The following WIPI2 variants were observed in gnomAD, a reference collection of about 807,000 sequenced individuals.
WIPI2 encodes the protein WD repeat domain, phosphoinositide interacting 2, also known as WD repeat domain phosphoinositide-interacting protein 2.
Under a neutral mutation model 52.3 loss-of-function variants are expected in WIPI2, and 28 were observed. The observed-to-expected ratio is 0.54, with a 90% CI of 0.40 to 0.73. The LOEUF is 0.73. WIPI2 is among the 30% of genes least tolerant of loss of function. The pLI is 0.00. For synonymous variants in WIPI2, 268 were observed against 245.0 expected (o/e 1.09, Z -0.88); for missense variants, 506 against 602.9 (o/e 0.84, Z 1.68).
chr7:5,211,728 T>A (rs1016426658), intron 3 of WIPI2, among the ~76,000 whole-genome samples: 1 of 152,216 alleles, frequency 6.6e-6, no homozygotes, highest in African/African-American at 2.4e-5. Flanking sequence ...CAGGTTTTCC[T>A]ATGTGTCCCA....
chr7:5,209,534 G>A (rs1437139746), intron 3 of WIPI2, among the ~76,000 whole-genome samples: 2 of 152,140 alleles, frequency 1.3e-5, no homozygotes, highest in Non-Finnish European at 2.9e-5. Context: ...TTCTGCATCT[G>A]TTGGGTTGGC....
intron 2 of WIPI2, among the ~76,000 whole-genome samples, chr7:5,196,918 C>A (rs144857382): frequency 6.6e-6 from 1 of 151,850 alleles, no homozygotes; most frequent in Non-Finnish European, 1.5e-5. Context: ...TCAAGACCAG[C>A]CTGGCCAACA....
intron 9 of WIPI2, chr7:5,226,273 A>G (rs2081117865): frequency 7.6e-6 from 2 of 261,648 alleles, no homozygotes; most frequent in Admixed American, 5.0e-5. Flanking sequence ...ACTAGGGTGA[A>G]TGGCTCGTCT....
chr7:5,195,782 T>G (rs967899647), intron 2 of WIPI2, among the ~76,000 whole-genome samples: 2 of 152,176 alleles, frequency 1.3e-5, no homozygotes, highest in Admixed American at 1.3e-4. Context: ...TGGTCACGCC[T>G]GTAATCCCAG....
chr7:5,220,930 A>G (rs1783091641), intron 7 of WIPI2, among the ~76,000 whole-genome samples: 2 of 149,538 alleles, frequency 1.3e-5, no homozygotes, highest in African/African-American at 4.9e-5. Context: ...ACTAGCTGGG[A>G]CTACAGGTGC....
At chr7:5,193,683 C>T (rs931058783) in intron 2 of WIPI2, among the ~76,000 whole-genome samples, 2 of 152,210 alleles carry the variant, frequency 1.3e-5, no homozygotes, top group African/African-American at 4.8e-5. Context: ...TCAAGCGGTC[C>T]TCCTGCCTCA....
chr7:5,210,925 A>G (rs1782525666), intron 3 of WIPI2, among the ~76,000 whole-genome samples: 1 of 145,684 alleles, frequency 6.9e-6, no homozygotes, highest in South Asian at 2.1e-4. Flanking sequence ...CGGCTCGCAT[A>G]GAACTCAGCC....
intron 7 of WIPI2, among the ~76,000 whole-genome samples, chr7:5,220,089 G>A (rs746141285): frequency 6.6e-6 from 1 of 151,984 alleles, no homozygotes; most frequent in African/African-American, 2.4e-5. Context: ...ACAAACCTCA[G>A]CCTCCCAAAG....
chr7:5,190,585 C>T (rs985062178), intron 1 of WIPI2, 92 bp downstream of exon 1: 3 of 1,237,556 alleles, frequency 2.4e-6, no homozygotes, highest in Non-Finnish European at 3.1e-6. Context: ...GGCGGCGTCG[C>T]AGGCTCGGCC....
intron 3 of WIPI2, among the ~76,000 whole-genome samples, chr7:5,200,735 G>A (rs186926398): frequency 1.3e-5 from 2 of 152,216 alleles, no homozygotes; most frequent in African/African-American, 4.8e-5. Context: ...TTTCGGACTC[G>A]CTCCTGGGCC....
At chr7:5,229,768 A>C in intron 12 of WIPI2, 30 bp downstream of exon 12, 1 of 1,612,142 alleles carries the variant, frequency 6.2e-7, no homozygotes, top group South Asian at 1.1e-5. Flanking sequence ...CCTGGAAGGT[A>C]ATTAGCCCCA....
At chr7:5,216,771 T>A in intron 5 of WIPI2, 112 bp downstream of exon 5, 1 of 1,066,824 alleles carries the variant, frequency 9.4e-7, no homozygotes, top group Non-Finnish European at 1.4e-6. Flanking sequence ...AGACAGATTT[T>A]AAAAGTATTG....
rs181276923 is a variant in WIPI2 at position 5,206,783 on chromosome 7, T to G, written c.211+7125T>G. Among the ~76,000 whole-genome samples the G allele has an allele frequency of 5.6e-3, 847 of 152,300 alleles. 7 individuals are homozygous for G. The highest frequency in any genetic ancestry group is 0.02 in the African/African-American group (824 of 41,568). On this transcript the variant is annotated intron_variant, in intron 3 of 12. Coordinates refer to ENST00000288828, the MANE Select transcript of WIPI2 (RefSeq NM_015610.4). ...TCTATCTTTTTTATGTTTATTTCTT[T>G]TTTTGAGACAGCATCTAGCTCTGTC...
chr7:5,226,884 A>G lies in WIPI2; in HGVS notation c.849-296A>G, dbSNP rs553138162. ...TAGCAGGGGTCATCAGTTAGGCCCT[A>G]GACGTCCTCACACCCTTGCAAAGGG... On this transcript the variant is annotated intron_variant, in intron 9 of 12. Coordinates refer to ENST00000288828, the MANE Select transcript of WIPI2 (RefSeq NM_015610.4). The G allele has an allele frequency of 2.2e-4, 78 of 357,784 alleles. 1 individual carries two copies. Among genetic ancestry groups the G allele is most frequent in the Non-Finnish European group, 3.5e-4 (69 of 195,100 alleles). The allele number at this position is 357,784 out of a possible 1,614,324, so 22.2% of individuals were successfully genotyped here.
At chr7:5,210,093 G>A (rs963430017) in intron 3 of WIPI2, among the ~76,000 whole-genome samples, 1 of 152,008 alleles carries the variant, frequency 6.6e-6, no homozygotes, top group Non-Finnish European at 1.5e-5. Flanking sequence ...ATTTTTAGTA[G>A]AGATGGGGTT....
At chr7:5,210,527 C>A (rs1014760158) in intron 3 of WIPI2, among the ~76,000 whole-genome samples, 1 of 152,216 alleles carries the variant, frequency 6.6e-6, no homozygotes, top group Non-Finnish European at 1.5e-5. Flanking sequence ...GGGCCCACAT[C>A]TCTTTGGCCT....
intron 3 of WIPI2, among the ~76,000 whole-genome samples, chr7:5,207,946 G>C (rs1270823581): frequency 6.6e-6 from 1 of 151,670 alleles, no homozygotes; most frequent in East Asian, 1.9e-4. Context: ...TTGTATTTTT[G>C]GTAGAGACGG....
intron 2 of WIPI2, among the ~76,000 whole-genome samples, chr7:5,194,967 TG>T (rs1485463132): frequency 1.3e-5 from 2 of 152,014 alleles, no homozygotes; most frequent in Admixed American, 1.3e-4. Context: ...GAGGCGGGCT[TG>T]TGGGGCCGTG....
At chr7:5,216,714 T>C in intron 5 of WIPI2, 55 bp downstream of exon 5, 1 of 1,545,486 alleles carries the variant, frequency 6.5e-7, no homozygotes, top group Non-Finnish European at 8.9e-7. Flanking sequence ...CCTTGAAAGA[T>C]AGCTATAGGT....
Sources: allele counts gnomAD v4.1 joint callset (sites outside exome capture counted in the v4.1 genomes callset), GRCh38; gene constraint gnomAD v4.1.1; transcripts MANE v1.5; gene names NCBI Gene and HGNC (gene_info 2026-07-23, HGNC 2026-07-21).